The following SLC24A1 variants were observed in gnomAD, a reference collection of about 807,000 sequenced individuals.
SLC24A1 encodes the protein sodium/potassium/calcium exchanger 1.
SLC24A1 carries 52 observed loss-of-function variants against 88.1 expected under a neutral mutation model. The observed-to-expected ratio is 0.59, with a 90% CI of 0.47 to 0.74. The LOEUF (loss-of-function observed/expected upper bound fraction) is 0.74, where lower values mean the gene tolerates loss of function less well. Ranked by LOEUF, SLC24A1 falls within the 30% of genes least tolerant of loss-of-function variation. SLC24A1 has a pLI of 0.00. For missense variants in SLC24A1, 1,173 were observed against 1,363.3 expected (o/e 0.86, Z 2.20); for synonymous variants, 455 against 498.0 (o/e 0.91, Z 1.15).
At chr15:65,660,562 T>C (rs1365162840), downstream of SLC24A1, 2 of 380,340 alleles carry the variant, frequency 5.3e-6, no homozygotes, top group African/African-American at 2.1e-5. Context: ...TGTTTTTCCT[T>C]ACCAGAAATT....
chr15:65,642,046 A>G (rs964748484), intron 4 of SLC24A1, among the ~76,000 whole-genome samples: 1 of 152,120 alleles, frequency 6.6e-6, no homozygotes, highest in Admixed American at 6.5e-5. Context: ...GGGGCATGGA[A>G]TGGCTCTCGT....
chr15:65,639,767 A>G (rs2075063385), intron 4 of SLC24A1, 64 bp downstream of exon 4: 1 of 1,059,966 alleles, frequency 9.4e-7, no homozygotes. Flanking sequence ...CTGCAGCTGG[A>G]GAAGAACTGG....
rs763504735 is a variant in SLC24A1, at chr15:65,650,789, A to AGAGGAG, written c.2655_2660dup (p.Glu889_Glu890dup). 3 of 1,608,676 alleles carry AGAGGAG rather than the reference A, an allele frequency of 1.9e-6. No homozygotes were observed. The highest frequency in any genetic ancestry group is 2.5e-6 in the Non-Finnish European group (3 of 1,177,192). On this transcript the variant is annotated inframe_insertion, in exon 7 of 10. Transcript: ENST00000261892. The surrounding 1 kb of genome is among the most constrained non-coding windows in gnomAD (Gnocchi z 4.1). ...AGGAGGAGGAGGAAGAGCAGGAGGA[A>AGAGGAG]GAGGAGGAGGAGGAGGAGGAAGAGG...
intron 2 of SLC24A1, among the ~76,000 whole-genome samples, chr15:65,637,798 A>G (rs1415757963): frequency 1.3e-5 from 2 of 152,186 alleles, no homozygotes; most frequent in Admixed American, 6.5e-5. Context: ...CTGAGGAGGG[A>G]AAGAGCATTA....
intron 6 of SLC24A1, among the ~76,000 whole-genome samples, chr15:65,648,170 G>T (rs1018811567): frequency 1.4e-4 from 22 of 152,174 alleles, no homozygotes; most frequent in African/African-American, 4.8e-4. Flanking sequence ...TGAGGTGAGA[G>T]AATGGCGTGA....
upstream of SLC24A1, among the ~76,000 whole-genome samples, chr15:65,620,187 G>T (rs2141420647): frequency 6.6e-6 from 1 of 152,044 alleles, no homozygotes. Flanking sequence ...ATTCAGTGGT[G>T]AATAAGACAG....
chr15:65,641,585 G>A (rs1460533977), intron 4 of SLC24A1, among the ~76,000 whole-genome samples: 1 of 152,214 alleles, frequency 6.6e-6, no homozygotes, highest in Non-Finnish European at 1.5e-5. Context: ...CAGCAGACAT[G>A]TGAGAGAGGC....
chr15:65,651,767 A>G lies in SLC24A1; in HGVS notation c.2883+8A>G. The G allele has an allele frequency of 6.7e-7, 1 of 1,484,372 alleles. No homozygotes were observed. Among genetic ancestry groups the G allele is most frequent in the South Asian group, 1.1e-5 (1 of 87,762 alleles). The allele number at this position is 1,484,372 out of a possible 1,614,324, so 92.0% of individuals were successfully genotyped here. A position where few individuals can be genotyped will look rare whatever the true frequency, so the allele number is the denominator to read the frequency against. On this transcript the variant is annotated splice_region_variant and intron_variant, in intron 8 of 9. Coordinates refer to ENST00000261892, the MANE Select transcript of SLC24A1 (RefSeq NM_004727.3). ...GTGTGGTGGGCTCACCAGGTGAGTG[A>G]ACAGCAGGAACGAAATCCTCTACCA...
chr15:65,624,926 T>TC lies in SLC24A1; in HGVS notation c.852dup (p.Arg285GlnfsTer6). ...GCGTCATGGAAAAAAACAACCTGTTTCCCCCCAGAAGAGTGGAAAGTAACA... is the reference window on the plus strand; with the variant it reads ...GCGTCATGGAAAAAAACAACCTGTTTCCCCCCCAGAAGAGTGGAAAGTAACA... On this transcript the variant is annotated frameshift_variant, in exon 2 of 10. Coordinates refer to ENST00000261892, the MANE Select transcript of SLC24A1 (RefSeq NM_004727.3). LOFTEE classifies it high-confidence loss of function. 2 of 1,613,074 alleles carry TC rather than the reference T, an allele frequency of 1.2e-6. No homozygotes were observed. The highest frequency in any genetic ancestry group is 1.7e-6 in the Non-Finnish European group (2 of 1,179,616).
At position 65,654,796 on chromosome 15, in the gene SLC24A1, C is replaced by T. The variant is rs1209115481; in HGVS notation, c.*717C>T. Reference sequence around the variant, plus strand: ...TCTCGGCACACCACAACCTTCACCTCCCCGGTTCAAGCAATTCTCCTGCCT... The same window carrying T: ...TCTCGGCACACCACAACCTTCACCTTCCCGGTTCAAGCAATTCTCCTGCCT... On this transcript the variant is annotated 3_prime_UTR_variant, in exon 10 of 10. Coordinates refer to ENST00000261892, the MANE Select transcript of SLC24A1 (RefSeq NM_004727.3). The T allele has an allele frequency of 9.5e-7, 1 of 1,047,316 alleles. No homozygotes were observed. The highest frequency in any genetic ancestry group is 1.3e-6 in the Non-Finnish European group (1 of 783,898). The allele number at this position is 1,047,316 out of a possible 1,614,324, so 64.9% of individuals were successfully genotyped here.
intron 5 of SLC24A1, 43 bp downstream of exon 5, chr15:65,644,556 C>G: frequency 7.3e-7 from 1 of 1,376,070 alleles, no homozygotes; most frequent in Non-Finnish European, 1.0e-6. Flanking sequence ...CTGCCCCCCT[C>G]TCCCTGCTGT....
At position 65,624,379 on chromosome 15, in the gene SLC24A1, A is replaced by G. The variant is rs913227340; in HGVS notation, c.299A>G (p.Asp100Gly). ...MLVPQASVGS[D>G]EATLSMTVEN... ...GTACCCCAAGCCTCAGTGGGCAGTG[A>G]TGAAGCAACACTGAGCATGACAGTG... The change falls in exon 2 of 10, where the codon GAT becomes GGT. Residue 100 changes from aspartate (D) to glycine (G), a missense_variant. Physicochemically the swap from Asp to Gly is moderately conservative, Grantham distance 94 (BLOSUM62 -1). Coordinates refer to ENST00000261892, the MANE Select transcript of SLC24A1 (RefSeq NM_004727.3). 6.2e-7 allele frequency: 1 copy of G among 1,613,744 alleles called. No homozygotes were observed. Among genetic ancestry groups the G allele is most frequent in the Admixed American group, 1.7e-5 (1 of 59,998 alleles).
chr15:65,647,775 C>T (rs751209590), intron 6 of SLC24A1, among the ~76,000 whole-genome samples: 12 of 152,140 alleles, frequency 7.9e-5, no homozygotes, highest in Admixed American at 2.0e-4. Flanking sequence ...TGATTTCAGA[C>T]GAAAATCTTC....
At position 65,637,041 on chromosome 15, in the gene SLC24A1, A is replaced by G. The variant is rs182442930; in HGVS notation, c.1891-1087A>G. Among the ~76,000 whole-genome samples, 5 of 152,192 alleles carry G rather than the reference A, an allele frequency of 3.3e-5. No individual in the cohort carries two copies. The East Asian group carries it at 9.7e-4, about 29-fold the overall frequency. On this transcript the variant is annotated intron_variant, in intron 2 of 9. Transcript: ENST00000261892. ...AGTTCATTGCGTGGCAAAAAAAGAA[A>G]AAAAAAGGTAGAGTCTACATGTAGC...
chr15:65,656,253 TA>T lies in SLC24A1; in HGVS notation c.*2176del. Reference sequence around the variant, plus strand: ...ACTGAATGATTAAAACCAACTCTAATAATCTGACATCCTTTTCCCAGTTTGC... The same window carrying T: ...ACTGAATGATTAAAACCAACTCTAATATCTGACATCCTTTTCCCAGTTTGC... On this transcript the variant is annotated 3_prime_UTR_variant, in exon 10 of 10. Transcript: ENST00000261892. 3 of 985,122 alleles carry T rather than the reference TA, an allele frequency of 3.0e-6. No homozygotes were observed. In the African/African-American group the frequency reaches 5.2e-5, roughly 17 times the overall value. 61.0% of individuals were successfully genotyped at this position (985,122 alleles called of 1,614,324 possible). A position where few individuals can be genotyped will look rare whatever the true frequency, so the allele number is the denominator to read the frequency against.
At position 65,624,302 on chromosome 15, in the gene SLC24A1, G is replaced by T. The variant is rs370527618; in HGVS notation, c.222G>T (p.Met74Ile). ...ACCTCTCCAGTGAAGAGATGATGAT[G>T]ATGAGCAGCAGCCCTTCAAAACCTA... is the stretch of plus-strand genomic sequence containing the variant. ...SRDLSSEEMM[M>I]MSSSPSKPSS... The change falls in exon 2 of 10, where the codon ATG (methionine) becomes ATT (isoleucine). Residue 74 changes from methionine to isoleucine, a missense_variant. Met to Ile is a conservative substitution (Grantham distance 10, BLOSUM62 1). Transcript: ENST00000261892. The T allele has an allele frequency of 3.7e-6, 6 of 1,613,674 alleles. No homozygotes were observed. The highest frequency in any genetic ancestry group is 2.2e-5 in the East Asian group (1 of 44,892).
At chr15:65,652,088 C>G in intron 8 of SLC24A1, 1 of 377,028 alleles carries the variant, frequency 2.7e-6, no homozygotes, top group East Asian at 6.7e-5. Context: ...ATTCTGAGAG[C>G]CAGCTTTTTT....
In SLC24A1 at chr15:65,644,510, G is replaced by A. The variant is rs763726316; in HGVS notation, c.2137G>A (p.Glu713Lys). The A allele has an allele frequency of 1.8e-5, 29 of 1,578,824 alleles. No individual in the cohort carries two copies. The highest frequency in any genetic ancestry group is 8.6e-6 in the Non-Finnish European group (10 of 1,161,854). Residue 713 changes from glutamate to lysine, a missense_variant, in exon 5 of 10, where the codon GAA becomes AAA. Physicochemically the swap from Glu to Lys is moderately conservative, Grantham distance 56 (BLOSUM62 1). Transcript: ENST00000261892. ...QPQAKAESKP[E>K]EEEPAKLPAV... ...CCAGGCCAAAGCAGAAAGCAAACCA[G>A]AAGGTGAGAGGATGGCCAGACCAGT...
chr15:65,637,466 G>A (rs2074979551), intron 2 of SLC24A1, among the ~76,000 whole-genome samples: 1 of 152,182 alleles, frequency 6.6e-6, no homozygotes, highest in East Asian at 1.9e-4. Flanking sequence ...AGAAAGGAAT[G>A]GAGATGGCAT....
Sources: gnomAD v4.1 joint callset for allele counts (sites outside exome capture counted in the v4.1 genomes callset) on GRCh38, gnomAD v4.1.1 for gene constraint, Gnocchi (gnomAD v3.1) non-coding constraint, MANE v1.5 for transcripts, NCBI Gene and HGNC (gene_info 2026-07-23, HGNC 2026-07-21) for gene names.